Variants in KAZN observed in about 807,000 individuals in gnomAD.
KAZN encodes the protein kazrin.
Under a neutral mutation model 87.4 loss-of-function variants are expected in KAZN, and 40 were observed. The observed-to-expected ratio is 0.46, with a 90% CI of 0.36 to 0.60. The LOEUF (loss-of-function observed/expected upper bound fraction) is 0.60. Ranked by LOEUF, KAZN falls within the 20% of genes least tolerant of loss-of-function variation. KAZN has a pLI of 0.00. For synonymous variants in KAZN, 466 were observed against 458.3 expected, an observed-to-expected ratio of 1.02 and a Z score of -0.22; for missense variants, 898 against 1,073.9, an observed-to-expected ratio of 0.84 and a Z score of 2.29.
At chr1:13,965,306 C>T (rs576835015) in intron 1 of KAZN, among the ~76,000 whole-genome samples, 1 of 152,084 alleles carries the variant, frequency 6.6e-6, no homozygotes, top group Non-Finnish European at 1.5e-5. Flanking sequence ...TGGTGACTCA[C>T]GCCCTGGGAA....
intron 1 of KAZN, among the ~76,000 whole-genome samples, chr1:14,029,771 G>T (rs1458170922): frequency 6.6e-6 from 1 of 151,576 alleles, no homozygotes; most frequent in African/African-American, 2.4e-5. Flanking sequence ...GTTTGTCAAA[G>T]ATCAGATAGT....
At chr1:14,712,765 G>C (rs144938777) in intron 1 of KAZN, among the ~76,000 whole-genome samples, 2,846 of 152,272 alleles carry the variant, frequency 0.019, 102 homozygotes, top group Admixed American at 0.088. Context: ...GCTCAGACCT[G>C]GGCAGGCTGG....
At chr1:14,123,704 T>C (rs77029312) in intron 1 of KAZN, among the ~76,000 whole-genome samples, 2,732 of 152,314 alleles carry the variant, frequency 0.018, 92 homozygotes, top group African/African-American at 0.061. Context: ...GTTCTCCTTC[T>C]TCCTGGCTAT....
intron 4 of KAZN, among the ~76,000 whole-genome samples, chr1:15,045,690 G>T (rs372174543): frequency 1.3e-5 from 2 of 152,318 alleles, no homozygotes. Flanking sequence ...GTTCCGAATG[G>T]CTGGGGATGC....
chr1:14,345,875 T>C (rs1018423482), intron 2 of KAZN, among the ~76,000 whole-genome samples: 3 of 152,072 alleles, frequency 2.0e-5, no homozygotes, highest in Admixed American at 6.6e-5. Context: ...TTTGAAAACA[T>C]GGAAATAACA....
rs1252743034 is a variant in KAZN, at chr1:14,358,319, TATTA to T, written c.249+177728_249+177731del. On this transcript the variant is annotated intron_variant, in intron 2 of 16. Transcript: ENST00000636203. ...TTTGATTCTTCTCTCTTTTCTTCTT[TATTA>T]GTCTGGCTAGAGGTCTATCTATTTT... 6.0e-5 allele frequency among the ~76,000 whole-genome samples: 9 copies of T among 149,112 alleles called. No homozygotes were observed. The East Asian group carries it at 1.6e-3, about 26-fold the overall frequency.
chr1:14,297,319 A>C (rs978178833), intron 2 of KAZN, among the ~76,000 whole-genome samples: 1 of 152,222 alleles, frequency 6.6e-6, no homozygotes, highest in Admixed American at 6.5e-5. Flanking sequence ...AGCAAAAGGG[A>C]GGCATGAATG....
chr1:14,763,617 G>A (rs1479822802), intron 1 of KAZN, among the ~76,000 whole-genome samples: 1 of 152,180 alleles, frequency 6.6e-6, no homozygotes, highest in Non-Finnish European at 1.5e-5. Flanking sequence ...AATTACTCAA[G>A]GCAGGAATCA....
intron 1 of KAZN, among the ~76,000 whole-genome samples, chr1:14,159,801 C>G (rs1195681193): frequency 6.6e-6 from 1 of 152,210 alleles, no homozygotes; most frequent in Non-Finnish European, 1.5e-5. Flanking sequence ...CTTCAGTTAG[C>G]AGGTGATGAA....
chr1:13,933,210 C>T lies in KAZN; in HGVS notation c.91+39454C>T, dbSNP rs188058370. On this transcript the variant is annotated intron_variant, in intron 1 of 16. Coordinates refer to the KAZN transcript ENST00000636203. ...TTTTTTTTCATTAAAAAATATTCAT[C>T]GGCCGGGCGCAGTGGCTCACATCTG... is the stretch of plus-strand genomic sequence containing the variant. 4.1e-3 allele frequency among the ~76,000 whole-genome samples: 628 copies of T among 151,620 alleles called. 3 individuals are homozygous for T. The highest frequency in any genetic ancestry group is 0.015 in the African/African-American group (604 of 41,312).
rs1557596962 is a variant in KAZN, at chr1:14,255,134, A to AG, written c.249+74542_249+74543insG. ...GACTCTGTCTCAAAAAAAAAAAAAA[A>AG]AAAAAAGAAGAAGAAGAAGAAGAAA... On this transcript the variant is annotated intron_variant, in intron 2 of 16. Transcript: ENST00000636203. Among the ~76,000 whole-genome samples, 1,062 of 148,956 alleles carry AG rather than the reference A, an allele frequency of 7.1e-3. 13 individuals carry two copies. Among genetic ancestry groups the AG allele is most frequent in the African/African-American group, 0.026 (1,020 of 39,616 alleles).
intron 2 of KAZN, among the ~76,000 whole-genome samples, chr1:14,275,584 A>G (rs1652286987): frequency 6.6e-6 from 1 of 151,798 alleles, no homozygotes; most frequent in Admixed American, 6.6e-5. Context: ...TTTTCTCTAC[A>G]TTATGTTTGT....
At chr1:14,614,677 A>G (rs1467663428) in intron 1 of KAZN, among the ~76,000 whole-genome samples, 1 of 152,254 alleles carries the variant, frequency 6.6e-6, no homozygotes, top group Non-Finnish European at 1.5e-5. Context: ...AAGATTGACC[A>G]CTAAAGAAAA....
rs1319253525 is a variant in KAZN, at chr1:14,996,890, T to C, written c.418+36015T>C. ...ATGACCTCGCACCCACCTCCCTGCCTGACCTCACCGCCCCAGGAAGCTTAG... is the reference window on the plus strand; with the variant it reads ...ATGACCTCGCACCCACCTCCCTGCCCGACCTCACCGCCCCAGGAAGCTTAG... On this transcript the variant is annotated intron_variant, in intron 2 of 14. Coordinates refer to ENST00000376030, the MANE Select transcript of KAZN (RefSeq NM_201628.3). The surrounding 1 kb of genome is among the most constrained non-coding windows in gnomAD (Gnocchi z 5.9). Among the ~76,000 whole-genome samples the C allele has an allele frequency of 6.6e-6, 1 of 152,242 alleles. No homozygotes were observed. The highest frequency in any genetic ancestry group is 2.4e-5 in the African/African-American group (1 of 41,470).
At chr1:15,102,716 GGCCT>G (rs1426306134) in intron 11 of KAZN, among the ~76,000 whole-genome samples, 1 of 152,230 alleles carries the variant, frequency 6.6e-6, no homozygotes, top group East Asian at 1.9e-4. Context: ...GACCCAGGGA[GGCCT>G]GCGATACGGT....
Position 14,943,557 on chromosome 1 carries a change from C to T in KAZN, c.227-17127C>T, listed in dbSNP as rs139384537. ...AATAATAACCAAAATGTATGTAGTA[C>T]TTGCCGTGTGCCCAGCAATGTTCTT... On this transcript the variant is annotated intron_variant, in intron 1 of 14. Transcript: ENST00000376030. Among the ~76,000 whole-genome samples, 232 of 152,318 alleles carry T rather than the reference C, an allele frequency of 1.5e-3. 1 individual carries two copies. The East Asian group carries it at 0.029, about 19-fold the overall frequency.
chr1:14,254,523 A>G lies in KAZN; in HGVS notation c.249+73931A>G, dbSNP rs147102313. 4.5e-3 allele frequency among the ~76,000 whole-genome samples: 679 copies of G among 152,250 alleles called. 5 individuals carry two copies. Among genetic ancestry groups the G allele is most frequent in the African/African-American group, 0.016 (646 of 41,528 alleles). Reference sequence around the variant, plus strand: ...GTGGGGTGAGGTTCTGAAATCAAAGACTGATGTAAAAGTGGCAAATGGTCA... The same window carrying G: ...GTGGGGTGAGGTTCTGAAATCAAAGGCTGATGTAAAAGTGGCAAATGGTCA... On this transcript the variant is annotated intron_variant, in intron 2 of 16. Coordinates refer to the KAZN transcript ENST00000636203.
chr1:14,520,561 C>A (rs1009323015), intron 2 of KAZN, among the ~76,000 whole-genome samples: 4 of 152,162 alleles, frequency 2.6e-5, no homozygotes, highest in African/African-American at 9.7e-5. Context: ...CAAGAGAGCT[C>A]CTCTGACTTC....
At chr1:14,249,564 T>G (rs1160005635) in intron 2 of KAZN, among the ~76,000 whole-genome samples, 1 of 152,190 alleles carries the variant, frequency 6.6e-6, no homozygotes, top group African/African-American at 2.4e-5. Flanking sequence ...GCTGTCTTCA[T>G]TGTCAGGCAG....
Sources: gnomAD v4.1 joint callset for allele counts (sites outside exome capture counted in the v4.1 genomes callset) on GRCh38, gnomAD v4.1.1 for gene constraint, Gnocchi (gnomAD v3.1) non-coding constraint, MANE v1.5 for transcripts, NCBI Gene and HGNC (gene_info 2026-07-23, HGNC 2026-07-21) for gene names.